Variants in ARHGAP6 observed in about 807,000 individuals in gnomAD.
ARHGAP6 encodes the protein Rho GTPase activating protein 6, also known as rho GTPase-activating protein 6.
Under a neutral mutation model 55.7 loss-of-function variants are expected in ARHGAP6, and 16 were observed. The observed-to-expected ratio is 0.29, with a 90% CI of 0.19 to 0.44. ARHGAP6 has a LOEUF of 0.44. Among genes scored for constraint, ARHGAP6 ranks in the 20% least tolerant of loss-of-function variants. The pLI, the probability that ARHGAP6 is intolerant of heterozygous loss-of-function variation, is 1.00. For missense variants in ARHGAP6, 698 were observed against 808.9 expected (o/e 0.86, Z 1.66); for synonymous variants, 382 against 360.9 (o/e 1.06, Z -0.66).
At chrX:11,298,073 C>T in intron 1 of ARHGAP6, 1 of 1,207,939 alleles carries the variant, frequency 8.3e-7, no homozygotes, top group Non-Finnish European at 1.1e-6. Context: ...AAGCACCCAA[C>T]AAATTTTTAC....
intron 1 of ARHGAP6, among the ~76,000 whole-genome samples, chrX:11,468,424 C>A (rs773662836): frequency 7.1e-5 from 8 of 112,238 alleles, no homozygotes; most frequent in African/African-American, 2.6e-4. Context: ...TGCCTTCTCT[C>A]TTTCATCGGC....
intron 1 of ARHGAP6, among the ~76,000 whole-genome samples, chrX:11,528,092 G>A (rs140752494): frequency 0.023 from 2,565 of 111,894 alleles, 73 homozygotes; most frequent in African/African-American, 0.078. Context: ...TAAAATTTTC[G>A]ATAAGTATGG....
chrX:11,280,639 G>A (rs2047842444), intron 1 of ARHGAP6, among the ~76,000 whole-genome samples: 1 of 108,570 alleles, frequency 9.2e-6, no homozygotes, highest in Admixed American at 9.9e-5. Context: ...CAGCACTTTG[G>A]GAGGCTGAGA....
chrX:11,613,117 C>A, intron 1 of ARHGAP6, among the ~76,000 whole-genome samples: 1 of 112,253 alleles, frequency 8.9e-6, no homozygotes, highest in East Asian at 2.8e-4. Context: ...TCGCTCTATC[C>A]CTATTCCAAA....
intron 2 of ARHGAP6, among the ~76,000 whole-genome samples, chrX:11,228,679 A>G (rs1297287743): frequency 8.9e-6 from 1 of 112,544 alleles, no homozygotes; most frequent in Non-Finnish European, 1.9e-5. Context: ...GGAATATTTT[A>G]TTTGTAGAAA....
intron 1 of ARHGAP6, among the ~76,000 whole-genome samples, chrX:11,373,384 G>T (rs2049167568): frequency 9.3e-6 from 1 of 107,542 alleles, no homozygotes; most frequent in South Asian, 4.0e-4. Context: ...AAAAGACATT[G>T]TTTAAAAAAA....
intron 1 of ARHGAP6, among the ~76,000 whole-genome samples, chrX:11,447,675 C>T (rs2050105324): frequency 1.8e-5 from 2 of 112,053 alleles, no homozygotes; most frequent in Admixed American, 1.9e-4. Flanking sequence ...TACTTTTACA[C>T]AGGGGTACTT....
intron 1 of ARHGAP6, among the ~76,000 whole-genome samples, chrX:11,493,248 T>G (rs1352123083): frequency 2.7e-5 from 3 of 112,094 alleles, no homozygotes; most frequent in Non-Finnish European, 5.6e-5. Context: ...CTCAACAAAC[T>G]GTTACAAGTG....
intron 1 of ARHGAP6, among the ~76,000 whole-genome samples, chrX:11,506,503 T>C: frequency 9.0e-6 from 1 of 111,154 alleles, no homozygotes; most frequent in Middle Eastern, 4.6e-3. Context: ...TGGTTTTCTG[T>C]TCTTGCGATA....
chrX:11,506,076 G>A (rs1243874537), intron 1 of ARHGAP6, among the ~76,000 whole-genome samples: 1 of 110,583 alleles, frequency 9.0e-6, no homozygotes, highest in African/African-American at 3.3e-5. Context: ...GCTTGAACGG[G>A]GATTACATCA....
intron 1 of ARHGAP6, among the ~76,000 whole-genome samples, chrX:11,258,033 G>C (rs1569275535): frequency 9.0e-6 from 1 of 111,306 alleles, no homozygotes; most frequent in Admixed American, 9.6e-5. Context: ...GTCAGGGCCA[G>C]ATTCTGTAGG....
intron 1 of ARHGAP6, among the ~76,000 whole-genome samples, chrX:11,271,377 T>C (rs774233831): frequency 9.0e-6 from 1 of 111,533 alleles, no homozygotes; most frequent in African/African-American, 3.3e-5. Context: ...CTAGGCAAAA[T>C]AAAAAATGCC....
intron 1 of ARHGAP6, among the ~76,000 whole-genome samples, chrX:11,283,963 T>TTTCC (rs2147538666): frequency 8.9e-6 from 1 of 111,949 alleles, no homozygotes; most frequent in Admixed American, 9.5e-5. Flanking sequence ...ACCAATACAA[T>TTTCC]GTCTTCCCAA....
At chrX:11,220,695 C>A (rs1050433971) in intron 2 of ARHGAP6, among the ~76,000 whole-genome samples, 5 of 110,357 alleles carry the variant, frequency 4.5e-5, no homozygotes, top group African/African-American at 1.6e-4. Context: ...AATGTAAAGA[C>A]CATCGAGACT....
chrX:11,146,494 C>T (rs1284608883), intron 10 of ARHGAP6, among the ~76,000 whole-genome samples: 1 of 112,419 alleles, frequency 8.9e-6, no homozygotes, highest in Admixed American at 9.3e-5. Context: ...AGTTTCCCCA[C>T]CCCCCAGTGT....
intron 1 of ARHGAP6, among the ~76,000 whole-genome samples, chrX:11,375,766 T>C (rs1032742371): frequency 9.0e-6 from 1 of 111,707 alleles, no homozygotes; most frequent in Non-Finnish European, 1.9e-5. Context: ...TAAATGAAGA[T>C]AAGAATTCTG....
At position 11,186,271 on chromosome X, in the gene ARHGAP6, A is replaced by G; in HGVS notation, c.1238T>C (p.Leu413Pro). ...TAGGTGCTGACAGCAGCTGTCCACC[A>G]GCCTAGGGACCTGTCTGTAAATAGG... is the stretch of plus-strand genomic sequence containing the variant. ...LNPIYRQVPR[L>P]VDSCCQHLEK... Residue 413 changes from leucine to proline, a missense_variant, in exon 5 of 13, where the codon CTG becomes CCG. By Grantham distance (98) the Leu-to-Pro change is moderately conservative. Coordinates refer to ENST00000337414, the MANE Select transcript of ARHGAP6 (RefSeq NM_013427.3). 1 of 1,211,340 alleles carries G rather than the reference A, an allele frequency of 8.3e-7. No homozygotes were observed.
intron 1 of ARHGAP6, among the ~76,000 whole-genome samples, chrX:11,435,391 C>A (rs903709321): frequency 3.6e-5 from 4 of 112,309 alleles, no homozygotes; most frequent in African/African-American, 1.3e-4. Flanking sequence ...AATAAGATTT[C>A]TTCTCCCTTT....
chrX:11,633,286 T>C (rs1182927891), intron 1 of ARHGAP6, among the ~76,000 whole-genome samples: 6 of 112,538 alleles, frequency 5.3e-5, no homozygotes, highest in Admixed American at 4.7e-4. Context: ...TTTTCCCTTA[T>C]AGTATTGGCT....
Sources: allele counts gnomAD v4.1 joint callset (sites outside exome capture counted in the v4.1 genomes callset), GRCh38; gene constraint gnomAD v4.1.1; transcripts MANE v1.5; gene names NCBI Gene and HGNC (gene_info 2026-07-23, HGNC 2026-07-21).